The following ZHX3 variants were observed in gnomAD, a reference collection of about 807,000 sequenced individuals.
The protein encoded by ZHX3 is zinc fingers and homeoboxes protein 3.
A neutral mutation model predicts 64.5 loss-of-function variants in ZHX3; 20 were observed. The observed-to-expected ratio is 0.31, with a 90% CI of 0.22 to 0.45. The LOEUF (loss-of-function observed/expected upper bound fraction) is 0.45. Ranked by LOEUF, ZHX3 falls within the 20% of genes least tolerant of loss-of-function variation. ZHX3 has a pLI of 1.00. For synonymous variants in ZHX3, 423 were observed against 461.6 expected (o/e 0.92, Z 1.07); for missense variants, 1,041 against 1,195.8 (o/e 0.87, Z 1.91).
intron 2 of ZHX3, among the ~76,000 whole-genome samples, chr20:41,230,967 T>A (rs532191918): frequency 2.0e-5 from 3 of 152,326 alleles, no homozygotes; most frequent in African/African-American, 7.2e-5. Context: ...TACAATATTA[T>A]AATATCATAC....
chr20:41,202,499 T>A lies in ZHX3; in HGVS notation c.2418A>T (p.Pro806=), dbSNP rs1472269047. The A allele has an allele frequency of 2.5e-6, 4 of 1,614,188 alleles. No homozygotes were observed. The highest frequency in any genetic ancestry group is 1.6e-4 in the Middle Eastern group (1 of 6,062). The change falls in exon 3 of 4, where the codon CCA becomes CCT. Residue 806 remains proline, a synonymous_variant. Coordinates refer to ENST00000683867, the MANE Select transcript of ZHX3 (RefSeq NM_001384317.1). This position sits in a 1 kb window ranked among gnomAD's most constrained non-coding sequence, Gnocchi z 7.0. ...TATCTCCAAACCAGCGCACCACCTCTGGCCGTGGCAGACCCGTCTGGGCCA... is the reference window on the plus strand; with the variant it reads ...TATCTCCAAACCAGCGCACCACCTCAGGCCGTGGCAGACCCGTCTGGGCCA... The part of the protein sequence containing the change: ...SIMAQTGLPR[P]EVVRWFGDSR...
rs2039243954 is a variant in ZHX3 at position 41,212,641 on chromosome 20, T to C, written c.-150-7575A>G. ...GGAGAAACCCCATCTCTACTAAAAA[T>C]GCTAAATTAGCCAGGCATGTTGGTG... is the stretch of plus-strand genomic sequence containing the variant. On this transcript the variant is annotated intron_variant, in intron 2 of 3. Transcript: ENST00000683867. This position sits in a 1 kb window ranked among gnomAD's most constrained non-coding sequence, Gnocchi z 4.3. 6.6e-6 allele frequency among the ~76,000 whole-genome samples: 1 copy of C among 151,832 alleles called. No homozygotes were observed. Among genetic ancestry groups the C allele is most frequent in the Non-Finnish European group, 1.5e-5 (1 of 67,950 alleles).
chr20:41,276,634 C>T (rs1568933612), intron 1 of ZHX3, among the ~76,000 whole-genome samples: 1 of 152,152 alleles, frequency 6.6e-6, no homozygotes, highest in African/African-American at 2.4e-5. Context: ...ACTCTTGAGG[C>T]GTCCGCCTGG....
intron 1 of ZHX3, among the ~76,000 whole-genome samples, chr20:41,270,608 G>A (rs920183209): frequency 5.3e-5 from 8 of 151,206 alleles, no homozygotes; most frequent in African/African-American, 1.9e-4. Flanking sequence ...CCCGGGAGGT[G>A]GAGCTTACAG....
chr20:41,307,287 G>A (rs1042829367), intron 1 of ZHX3, among the ~76,000 whole-genome samples: 6 of 152,140 alleles, frequency 3.9e-5, no homozygotes, highest in Non-Finnish European at 8.8e-5. Flanking sequence ...AACCACCCCA[G>A]AGAAAGATAC....
Position 41,180,501 on chromosome 20 carries a change from T to C in ZHX3, c.*4690A>G, listed in dbSNP as rs2036210188. The C allele has an allele frequency of 6.6e-6, 1 of 152,196 alleles. No homozygotes were observed. The highest frequency in any genetic ancestry group is 1.5e-5 in the Non-Finnish European group (1 of 68,052). The allele number at this position is 152,196 out of a possible 1,614,324, so 9.4% of individuals were successfully genotyped here. A position where few individuals can be genotyped will look rare whatever the true frequency, so the allele number is the denominator to read the frequency against. On this transcript the variant is annotated 3_prime_UTR_variant, in exon 4 of 4. Transcript: ENST00000683867. Reference sequence around the variant, plus strand: ...GAGCTAAATAGAAACTTCTTTGCCATAGAAACTTCTCTGTTGAAGGACTGC... The same window carrying C: ...GAGCTAAATAGAAACTTCTTTGCCACAGAAACTTCTCTGTTGAAGGACTGC...
chr20:41,232,286 A>C lies in ZHX3; in HGVS notation c.-150-27220T>G, dbSNP rs2040659008. ...AATATTGAAAATGGACTTACGCTGC[A>C]GCATAAAAAAAAAAAAAAGGTCTAG... On this transcript the variant is annotated intron_variant, in intron 2 of 3. Coordinates refer to ENST00000683867, the MANE Select transcript of ZHX3 (RefSeq NM_001384317.1). The surrounding 1 kb of genome is among the most constrained non-coding windows in gnomAD (Gnocchi z 5.0). Among the ~76,000 whole-genome samples the C allele has an allele frequency of 6.6e-6, 1 of 151,968 alleles. No homozygotes were observed. Among genetic ancestry groups the C allele is most frequent in the Non-Finnish European group, 1.5e-5 (1 of 67,974 alleles).
chr20:41,277,407 G>A (rs535867451), intron 1 of ZHX3, among the ~76,000 whole-genome samples: 12 of 152,122 alleles, frequency 7.9e-5, no homozygotes, highest in East Asian at 3.9e-4. Context: ...TTGCATCTAC[G>A]TGGCTAATAT....
chr20:41,214,775 G>C (rs2039404442), intron 2 of ZHX3, among the ~76,000 whole-genome samples: 1 of 152,218 alleles, frequency 6.6e-6, no homozygotes, highest in South Asian at 2.1e-4. Flanking sequence ...GAGCATGTCT[G>C]ATAAATGAGG....
In ZHX3 at chr20:41,178,769, A is replaced by T. The variant is rs374836142; in HGVS notation, c.*6422T>A. On this transcript the variant is annotated 3_prime_UTR_variant, in exon 4 of 4. Coordinates refer to ENST00000683867, the MANE Select transcript of ZHX3 (RefSeq NM_001384317.1). ...AGAATTCCCATTCTACCCAAGGCTT[A>T]AGTGATAGAGTATGCTGTTTTCTCG... 2 of 152,700 alleles carry T rather than the reference A, an allele frequency of 1.3e-5. No individual in the cohort carries two copies. Among genetic ancestry groups the T allele is most frequent in the South Asian group, 2.1e-4 (1 of 4,826 alleles). 9.5% of individuals were successfully genotyped at this position (152,700 alleles called of 1,614,324 possible).
At chr20:41,230,819 C>A (rs1022854590) in intron 2 of ZHX3, among the ~76,000 whole-genome samples, 2 of 152,140 alleles carry the variant, frequency 1.3e-5, no homozygotes, top group Admixed American at 1.3e-4. Flanking sequence ...ATCAACATTC[C>A]CCACCAGAAT....
At chr20:41,189,095 G>A (rs886616538) in intron 3 of ZHX3, among the ~76,000 whole-genome samples, 30 of 152,110 alleles carry the variant, frequency 2.0e-4, no homozygotes, top group African/African-American at 6.8e-4. Flanking sequence ...ATTGAAGAGG[G>A]TGTCCTTTCC....
At chr20:41,207,648 A>T (rs922802949) in intron 2 of ZHX3, among the ~76,000 whole-genome samples, 2 of 152,288 alleles carry the variant, frequency 1.3e-5, no homozygotes, top group African/African-American at 4.8e-5. Context: ...GAAACCAATG[A>T]GAACAAAGAC....
chr20:41,282,361 C>CATTTTTT (rs2043721657), intron 1 of ZHX3, among the ~76,000 whole-genome samples: 1 of 97,212 alleles, frequency 1.0e-5, no homozygotes, highest in African/African-American at 3.8e-5. Context: ...CACAATTCAT[C>CATTTTTT]TTTTTTTTTT....
chr20:41,253,078 T>C (rs895254461), intron 2 of ZHX3, among the ~76,000 whole-genome samples: 1 of 152,202 alleles, frequency 6.6e-6, no homozygotes. Context: ...TTGTAAGGAC[T>C]GCAGGACTAT....
chr20:41,231,443 C>T (rs2040600090), intron 2 of ZHX3, among the ~76,000 whole-genome samples: 1 of 152,162 alleles, frequency 6.6e-6, no homozygotes, highest in Admixed American at 6.5e-5. Context: ...TTCTTTAACC[C>T]CCTCCCTCAC....
chr20:41,234,654 C>T (rs1197621594), intron 2 of ZHX3, among the ~76,000 whole-genome samples: 2 of 152,232 alleles, frequency 1.3e-5, no homozygotes, highest in East Asian at 3.9e-4. Context: ...GGAAACCCAA[C>T]CCGATTACAG....
At chr20:41,307,469 C>T (rs755125037) in intron 1 of ZHX3, among the ~76,000 whole-genome samples, 4 of 152,188 alleles carry the variant, frequency 2.6e-5, no homozygotes, top group Non-Finnish European at 4.4e-5. Context: ...TACCATACCA[C>T]TATATATCCC....
intron 1 of ZHX3, chr20:41,272,078 A>C (rs2146635752): frequency 6.6e-6 from 1 of 152,368 alleles, no homozygotes; most frequent in South Asian, 2.1e-4. Flanking sequence ...AAACAATATC[A>C]GACCAATGTG....
Sources: allele counts gnomAD v4.1 joint callset (sites outside exome capture counted in the v4.1 genomes callset), GRCh38; gene constraint gnomAD v4.1.1; non-coding constraint Gnocchi (gnomAD v3.1); transcripts MANE v1.5; gene names NCBI Gene and HGNC (gene_info 2026-07-23, HGNC 2026-07-21).